ADGRL2: variants seen among roughly 807,000 people sequenced by gnomAD.
ADGRL2 encodes calcium-independent alpha-latrotoxin receptor 2.
Under a neutral mutation model 157.4 loss-of-function variants are expected in ADGRL2, and 44 were observed. The ratio of observed to expected loss-of-function variants is 0.28; its 90% CI spans 0.22 to 0.36. ADGRL2 has a LOEUF of 0.36. ADGRL2 is among the 10% of genes least tolerant of loss of function. ADGRL2 has a pLI of 1.00. For synonymous variants in ADGRL2, 585 were observed against 624.7 expected, an observed-to-expected ratio of 0.94 and a Z score of 0.95; for missense variants, 1,510 against 1,768.9, an observed-to-expected ratio of 0.85 and a Z score of 2.63.
At chr1:81,990,143 A>T in intron 23 of ADGRL2, 7 of 985,346 alleles carry the variant, frequency 7.1e-6, no homozygotes, top group Non-Finnish European at 8.4e-6. Context: ...CCTGAAATTG[A>T]TAAAGTATTA....
chr1:81,664,962 C>G (rs186616071), intron 3 of ADGRL2, among the ~76,000 whole-genome samples: 2 of 151,934 alleles, frequency 1.3e-5, no homozygotes, highest in South Asian at 4.1e-4. Context: ...GCTAAGAATA[C>G]GATAAACAAT....
intron 1 of ADGRL2, among the ~76,000 whole-genome samples, chr1:81,353,845 C>T (rs1428477260): frequency 2.0e-5 from 3 of 152,130 alleles, no homozygotes; most frequent in African/African-American, 7.2e-5. Flanking sequence ...TTGGCAGTCA[C>T]CAGCGAGCTA....
intron 1 of ADGRL2, among the ~76,000 whole-genome samples, chr1:81,739,182 T>C (rs2084994611): frequency 6.6e-6 from 1 of 152,204 alleles, no homozygotes. Flanking sequence ...TCAGTTATCC[T>C]AGGACAACTT....
chr1:81,484,509 G>A (rs2078458281), intron 2 of ADGRL2, among the ~76,000 whole-genome samples: 2 of 152,146 alleles, frequency 1.3e-5, no homozygotes, highest in South Asian at 4.1e-4. Context: ...ACACTTGGAA[G>A]GATTTCTCTT....
chr1:81,519,605 T>C (rs544141091), intron 2 of ADGRL2, among the ~76,000 whole-genome samples: 2 of 152,356 alleles, frequency 1.3e-5, no homozygotes, highest in East Asian at 1.9e-4. Context: ...ATGATGATGA[T>C]AATAACTATT....
At chr1:81,552,766 A>G (rs1333155547) in intron 2 of ADGRL2, among the ~76,000 whole-genome samples, 1 of 152,184 alleles carries the variant, frequency 6.6e-6, no homozygotes, top group Non-Finnish European at 1.5e-5. Context: ...AATTTCTCTA[A>G]TAATCTCAGA....
At chr1:81,971,151 A>G (rs1013877264) in intron 16 of ADGRL2, among the ~76,000 whole-genome samples, 3 of 152,076 alleles carry the variant, frequency 2.0e-5, no homozygotes, top group Non-Finnish European at 2.9e-5. Context: ...TTTTCCTTTG[A>G]TAAAATTAGT....
chr1:81,923,915 C>T (rs961660328), intron 3 of ADGRL2, among the ~76,000 whole-genome samples: 5 of 152,052 alleles, frequency 3.3e-5, no homozygotes, highest in Admixed American at 6.6e-5. Context: ...AGAAGTTTAC[C>T]GTGTAATTCT....
At chr1:81,867,472 G>A (rs1033504417) in intron 2 of ADGRL2, among the ~76,000 whole-genome samples, 1 of 152,196 alleles carries the variant, frequency 6.6e-6, no homozygotes, top group African/African-American at 2.4e-5. Context: ...GAAGTTAGGA[G>A]GCAGCTCTAC....
At chr1:81,643,488 T>C (rs1017101328) in intron 3 of ADGRL2, among the ~76,000 whole-genome samples, 5 of 152,060 alleles carry the variant, frequency 3.3e-5, no homozygotes, top group Non-Finnish European at 2.9e-5. Context: ...AATTTTTATT[T>C]TTTAGAGATG....
intron 1 of ADGRL2, among the ~76,000 whole-genome samples, chr1:81,419,718 A>G (rs1461536905): frequency 6.6e-6 from 1 of 152,202 alleles, no homozygotes; most frequent in African/African-American, 2.4e-5. Flanking sequence ...GGATCTTTAA[A>G]TCAGAAAATT....
rs187427358 is a variant in ADGRL2 at position 81,880,698 on chromosome 1, G to C, written c.74-26319G>C. 3.6e-3 allele frequency among the ~76,000 whole-genome samples: 502 copies of C among 137,774 alleles called. 8 individuals are homozygous for C. The South Asian group carries it at 0.04, about 11-fold the overall frequency. The allele number at this position is 137,774 out of a possible 152,430, so 90.4% of individuals were successfully genotyped here. On this transcript the variant is annotated intron_variant, in intron 2 of 23. Coordinates refer to ENST00000686636, the MANE Select transcript of ADGRL2 (RefSeq NM_001366006.2). ...CCGCCCCATTCCGTCCAGTGCACAC[G>C]CGGGCCCTTAGTCTGAGCCATTCCA...
At chr1:81,440,310 C>T (rs1392084974) in intron 1 of ADGRL2, among the ~76,000 whole-genome samples, 1 of 152,314 alleles carries the variant, frequency 6.6e-6, no homozygotes, top group East Asian at 1.9e-4. Context: ...TTGGCTGCTT[C>T]CTGTAGCTAT....
intron 5 of ADGRL2, among the ~76,000 whole-genome samples, chr1:81,942,517 A>C (rs953473293): frequency 2.0e-5 from 3 of 151,222 alleles, no homozygotes; most frequent in African/African-American, 7.4e-5. Flanking sequence ...AGTTCTAAAT[A>C]AGTCTTCACA....
At chr1:81,844,465 T>C (rs2092711238) in intron 2 of ADGRL2, among the ~76,000 whole-genome samples, 1 of 152,218 alleles carries the variant, frequency 6.6e-6, no homozygotes, top group African/African-American at 2.4e-5. Context: ...GAAGACCACA[T>C]CAGAAGACTA....
intron 1 of ADGRL2, among the ~76,000 whole-genome samples, chr1:81,403,697 A>G (rs1430555357): frequency 6.6e-6 from 1 of 152,214 alleles, no homozygotes; most frequent in Non-Finnish European, 1.5e-5. Flanking sequence ...ATGCACATTT[A>G]CATACATTCT....
chr1:81,325,925 G>T (rs967380062), intron 1 of ADGRL2, among the ~76,000 whole-genome samples: 1 of 150,260 alleles, frequency 6.7e-6, no homozygotes, highest in African/African-American at 2.4e-5. Flanking sequence ...GAGACCCAGA[G>T]GATCTCACTA....
In ADGRL2 at chr1:81,833,468, T is replaced by C. The variant is rs374981178; in HGVS notation, c.-100-3417T>C. The stretch of plus-strand genomic sequence containing the variant: ...TGGAATATCAACATTAGTTAACCAG[T>C]TTTAGAAAATTGTAGTTTAATTTTC... On this transcript the variant is annotated intron_variant, in intron 1 of 23. Coordinates refer to ENST00000686636, the MANE Select transcript of ADGRL2 (RefSeq NM_001366006.2). 5.3e-5 allele frequency among the ~76,000 whole-genome samples: 8 copies of C among 152,328 alleles called. No homozygotes were observed. The East Asian group carries it at 1.5e-3, about 29-fold the overall frequency.
At chr1:81,490,116 C>T (rs1028078636) in intron 2 of ADGRL2, among the ~76,000 whole-genome samples, 8 of 149,742 alleles carry the variant, frequency 5.3e-5, no homozygotes, top group Admixed American at 6.7e-5. Flanking sequence ...ATGATTTGAG[C>T]GACTTAACAT....
Sources: allele counts gnomAD v4.1 joint callset (sites outside exome capture counted in the v4.1 genomes callset), GRCh38; gene constraint gnomAD v4.1.1; transcripts MANE v1.5; gene names NCBI Gene and HGNC (gene_info 2026-07-23, HGNC 2026-07-21).